SSH1: variants seen among roughly 807,000 people sequenced by gnomAD.
The protein encoded by SSH1 is slingshot protein phosphatase 1.
In SSH1, 43 loss-of-function variants were observed where a neutral mutation model predicts 79.7. That is an observed-to-expected ratio of 0.54 (90% CI 0.42 to 0.70). The LOEUF (loss-of-function observed/expected upper bound fraction) is 0.70. Ranked by LOEUF, SSH1 falls within the 30% of genes least tolerant of loss-of-function variation. The pLI, the probability that SSH1 is intolerant of heterozygous loss-of-function variation, is 0.00. For missense variants in SSH1, 1,206 were observed against 1,358.8 expected, an observed-to-expected ratio of 0.89 and a Z score of 1.77; for synonymous variants, 599 against 538.3, an observed-to-expected ratio of 1.11 and a Z score of -1.56.
intron 2 of SSH1, 61 bp downstream of exon 2, chr12:108,852,576 CA>C: frequency 6.3e-7 from 1 of 1,598,996 alleles, no homozygotes; most frequent in East Asian, 2.2e-5. Context: ...GGGAGAGGAA[CA>C]AGAGCATTCC....
chr12:108,844,260 A>C (rs2038845385), intron 2 of SSH1, among the ~76,000 whole-genome samples: 1 of 151,758 alleles, frequency 6.6e-6, no homozygotes, highest in South Asian at 2.1e-4. Flanking sequence ...CCCTAAGTCC[A>C]AAATCATAGA....
intron 3 of SSH1, among the ~76,000 whole-genome samples, chr12:108,822,479 CTCTG>C (rs1332848049): frequency 6.9e-6 from 1 of 144,228 alleles, no homozygotes; most frequent in Non-Finnish European, 1.5e-5. Flanking sequence ...CAGAGTCTCT[CTCTG>C]TCACCCAGGC....
intron 3 of SSH1, among the ~76,000 whole-genome samples, chr12:108,822,462 T>C (rs549361059): frequency 6.9e-6 from 1 of 145,776 alleles, no homozygotes; most frequent in East Asian, 2.1e-4. Context: ...TTATTGTTTT[T>C]AAGAAACAGA....
intron 13 of SSH1, among the ~76,000 whole-genome samples, chr12:108,796,157 C>A (rs1362071529): frequency 6.6e-6 from 1 of 152,186 alleles, no homozygotes; most frequent in African/African-American, 2.4e-5. Context: ...CTCAAGTGAT[C>A]CACCTGCCTC....
intron 2 of SSH1, among the ~76,000 whole-genome samples, chr12:108,844,543 A>G (rs1047224365): frequency 6.6e-6 from 1 of 152,184 alleles, no homozygotes; most frequent in African/African-American, 2.4e-5. Flanking sequence ...CATGTGTTCT[A>G]TGTTAGACTG....
intron 14 of SSH1, among the ~76,000 whole-genome samples, chr12:108,789,998 C>T (rs1314563363): frequency 6.6e-6 from 1 of 151,998 alleles, no homozygotes; most frequent in Non-Finnish European, 1.5e-5. Flanking sequence ...CCCGCCAGCT[C>T]TGTCTCTCAA....
At chr12:108,800,307 G>C (rs559827789) in intron 12 of SSH1, among the ~76,000 whole-genome samples, 1 of 152,168 alleles carries the variant, frequency 6.6e-6, no homozygotes, top group African/African-American at 2.4e-5. Flanking sequence ...TGTTTCATGC[G>C]ACAGTAACTC....
At chr12:108,805,530 T>C (rs894024075) in intron 9 of SSH1, among the ~76,000 whole-genome samples, 5 of 152,224 alleles carry the variant, frequency 3.3e-5, no homozygotes. Context: ...CTTGGAAAGA[T>C]ATCACAATAT....
In SSH1 at chr12:108,789,331, C is replaced by T. The variant is rs1186998376; in HGVS notation, c.1894-87G>A. ...ATGAGGGTGGGCAGGGAAAGGGGTG[C>T]GAGGCCGGACTGGGGGCCAGGCCTG... On this transcript the variant is annotated intron_variant, in intron 14 of 14. Coordinates refer to ENST00000326495, the MANE Select transcript of SSH1 (RefSeq NM_018984.4). 12 of 1,400,548 alleles carry T rather than the reference C, an allele frequency of 8.6e-6. No individual in the cohort carries two copies. In the East Asian group the frequency reaches 1.2e-4, roughly 15 times the overall value. 86.8% of individuals were successfully genotyped at this position (1,400,548 alleles called of 1,614,324 possible).
intron 5 of SSH1, among the ~76,000 whole-genome samples, chr12:108,816,080 C>T (rs573835869): frequency 2.0e-5 from 3 of 152,336 alleles, no homozygotes; most frequent in South Asian, 2.1e-4. Context: ...TGACTGCCCA[C>T]TTGCCCGTTA....
intron 9 of SSH1, 112 bp downstream of exon 9, chr12:108,806,189 A>G: frequency 9.9e-7 from 1 of 1,009,438 alleles, no homozygotes. Context: ...CTGATACCAG[A>G]GGACAGGTAA....
At chr12:108,789,413 G>T (rs2036409529) in intron 14 of SSH1, among the ~76,000 whole-genome samples, 169 bp from the exon 15 acceptor site, 1 of 152,146 alleles carries the variant, frequency 6.6e-6, no homozygotes, top group African/African-American at 2.4e-5. Context: ...GAGCCCACTT[G>T]ATCGAGAATA....
Position 108,857,324 on chromosome 12 carries a change from A to T in SSH1, c.69+104T>A. 1.6e-6 allele frequency: 1 copy of T among 626,670 alleles called. No individual in the cohort carries two copies. The highest frequency in any genetic ancestry group is 2.0e-6 in the Non-Finnish European group (1 of 502,442). 38.8% of individuals were successfully genotyped at this position (626,670 alleles called of 1,614,324 possible). On this transcript the variant is annotated intron_variant, in intron 1 of 14. Coordinates refer to ENST00000326495, the MANE Select transcript of SSH1 (RefSeq NM_018984.4). This position sits in a 1 kb window ranked among gnomAD's most constrained non-coding sequence, Gnocchi z 4.7. ...CTGTTCCTACGGCGGGGCCCCGAGG[A>T]GCCCGCGCAGCCGCCCCCCTGCCCC...
chr12:108,785,403 T>A lies in SSH1; in HGVS notation c.*2585A>T, dbSNP rs1026378371. 4.6e-5 allele frequency: 7 copies of A among 152,414 alleles called. 1 individual carries two copies. The highest frequency in any genetic ancestry group is 6.5e-5 in the Admixed American group (1 of 15,308). The allele number at this position is 152,414 out of a possible 1,614,324, so 9.4% of individuals were successfully genotyped here. A position where few individuals can be genotyped will look rare whatever the true frequency, so the allele number is the denominator to read the frequency against. On this transcript the variant is annotated 3_prime_UTR_variant, in exon 15 of 15. Coordinates refer to ENST00000326495, the MANE Select transcript of SSH1 (RefSeq NM_018984.4). The stretch of plus-strand genomic sequence containing the variant: ...TCCCAAAGTGCTAGGATTACAGGCG[T>A]GAGCCACCGCGCCCGGCCCCATCAT...
In SSH1 at chr12:108,788,547, G is replaced by A. The variant is rs781330281; in HGVS notation, c.2591C>T (p.Ala864Val). ...AACCAGGGGGCCCAGCTCGTGGAGC[G>A]CGGCTGGATCCTGGCTCTCCTCGGG... ...SIPEESQDPA[A>V]LHELGPLVMP... is the part of the protein sequence containing the mutation. Residue 864 changes from alanine (A) to valine (V), a missense_variant, in exon 15 of 15, where the codon GCG (alanine) becomes GTG (valine). Around this residue, in one of 5 missense-constraint regions of SSH1, gnomAD observed 709 missense variants for 730.6 expected, o/e 0.97. Transcript: ENST00000326495. The A allele has an allele frequency of 4.3e-5, 68 of 1,579,516 alleles. No homozygotes were observed. The highest frequency in any genetic ancestry group is 3.6e-4 in the Admixed American group (20 of 56,210).
chr12:108,805,264 G>C (rs1335007668), intron 9 of SSH1, 80 bp from the exon 10 acceptor site: 17 of 1,524,328 alleles, frequency 1.1e-5, no homozygotes, highest in Non-Finnish European at 1.5e-5. Context: ...AGTTACAATG[G>C]AAACTGTGCC....
intron 5 of SSH1, among the ~76,000 whole-genome samples, chr12:108,813,377 G>A (rs1020593087): frequency 8.6e-5 from 13 of 151,948 alleles, no homozygotes; most frequent in Non-Finnish European, 1.9e-4. Context: ...TGTGGATGGT[G>A]GTGTACACTC....
Position 108,834,743 on chromosome 12 carries a change from C to T in SSH1, c.111-11382G>A, listed in dbSNP as rs776850813. Among the ~76,000 whole-genome samples, 55 of 152,282 alleles carry T rather than the reference C, an allele frequency of 3.6e-4. 1 individual carries two copies. Among genetic ancestry groups the T allele is most frequent in the African/African-American group, 1.2e-4 (5 of 41,552 alleles). Reference sequence around the variant, plus strand: ...ACTTATTTACTAACTAGTGGTGAAGCCATCTTCCTGCCAGTATATTTTAAC... The same window carrying T: ...ACTTATTTACTAACTAGTGGTGAAGTCATCTTCCTGCCAGTATATTTTAAC... On this transcript the variant is annotated intron_variant, in intron 2 of 14. Coordinates refer to ENST00000326495, the MANE Select transcript of SSH1 (RefSeq NM_018984.4).
intron 6 of SSH1, among the ~76,000 whole-genome samples, chr12:108,810,521 A>C (rs2137102582): frequency 6.6e-6 from 1 of 151,522 alleles, no homozygotes; most frequent in Non-Finnish European, 1.5e-5. Flanking sequence ...GACTCCGTTG[A>C]AAAAAAGAGA....
Sources: allele counts gnomAD v4.1 joint callset (sites outside exome capture counted in the v4.1 genomes callset), GRCh38; gene constraint gnomAD v4.1.1; regional missense constraint gnomAD v4.1.1; non-coding constraint Gnocchi (gnomAD v3.1); transcripts MANE v1.5; gene names NCBI Gene and HGNC (gene_info 2026-07-23, HGNC 2026-07-21).